The following CSMD1 variants were observed in gnomAD, a reference collection of about 807,000 sequenced individuals.
The protein encoded by CSMD1 is CUB and sushi domain-containing protein 1.
In CSMD1, 213 loss-of-function variants were observed where a neutral mutation model predicts 417.5. The observed-to-expected ratio is 0.51, with a 90% CI of 0.46 to 0.57. The LOEUF is 0.57. Ranked by LOEUF, CSMD1 falls within the 20% of genes least tolerant of loss-of-function variation. CSMD1 has a pLI of 0.00. For synonymous variants in CSMD1, 2,862 were observed against 1,736.8 expected (o/e 1.65, Z -16.11); for missense variants, 6,923 against 4,529.7 (o/e 1.53, Z -15.17).
At chr8:4,874,440 C>T (rs1030910) in intron 1 of CSMD1, among the ~76,000 whole-genome samples, 147,881 of 148,290 alleles carry the variant, frequency 1, 73,740 homozygotes, top group East Asian at 1. Flanking sequence ...CCCAGGCTGG[C>T]ATGCAGTGTT....
At chr8:4,021,197 T>C (rs1307830766) in intron 4 of CSMD1, among the ~76,000 whole-genome samples, 1 of 152,216 alleles carries the variant, frequency 6.6e-6, no homozygotes, top group Non-Finnish European at 1.5e-5. Flanking sequence ...ATGGCATAAC[T>C]GAAATACACA....
At chr8:4,061,746 G>C (rs1329642830) in intron 3 of CSMD1, among the ~76,000 whole-genome samples, 1 of 152,110 alleles carries the variant, frequency 6.6e-6, no homozygotes, top group Non-Finnish European at 1.5e-5. Flanking sequence ...TAATGAGTGA[G>C]TCACCTCTCT....
intron 26 of CSMD1, among the ~76,000 whole-genome samples, chr8:3,236,146 T>C (rs1302055222): frequency 6.6e-6 from 1 of 151,926 alleles, no homozygotes; most frequent in Non-Finnish European, 1.5e-5. Flanking sequence ...TCTCGATCTC[T>C]TAACCTTGTG....
At chr8:4,616,733 G>A (rs1316726924) in intron 2 of CSMD1, among the ~76,000 whole-genome samples, 2 of 152,122 alleles carry the variant, frequency 1.3e-5, no homozygotes, top group Admixed American at 6.5e-5. Context: ...GATCATCATT[G>A]TGTATGTTTT....
intron 3 of CSMD1, among the ~76,000 whole-genome samples, chr8:4,136,188 A>G (rs1037777329): frequency 6.6e-6 from 1 of 152,206 alleles, no homozygotes; most frequent in Non-Finnish European, 1.5e-5. Context: ...ACACAAAAGA[A>G]CAGCTATGTG....
At chr8:3,045,701 A>G (rs1008882837) in intron 50 of CSMD1, among the ~76,000 whole-genome samples, 2 of 152,164 alleles carry the variant, frequency 1.3e-5, no homozygotes, top group Admixed American at 6.5e-5. Flanking sequence ...AGAGCTAGTA[A>G]GTTCCTAGAA....
At chr8:4,381,025 TG>T (rs1230539482) in intron 3 of CSMD1, among the ~76,000 whole-genome samples, 1 of 152,024 alleles carries the variant, frequency 6.6e-6, no homozygotes, top group Non-Finnish European at 1.5e-5. Flanking sequence ...TCAGGGCAAA[TG>T]GGAAATGGGT....
At chr8:4,681,078 G>A (rs1024422463) in intron 1 of CSMD1, among the ~76,000 whole-genome samples, 3 of 151,798 alleles carry the variant, frequency 2.0e-5, no homozygotes, top group East Asian at 1.9e-4. Flanking sequence ...TTATGGCTAC[G>A]TAATGAAAAA....
At chr8:3,283,746 G>C (rs1247034106) in intron 26 of CSMD1, among the ~76,000 whole-genome samples, 1 of 152,190 alleles carries the variant, frequency 6.6e-6, no homozygotes, top group Non-Finnish European at 1.5e-5. Flanking sequence ...GGAAGAAGCT[G>C]AGCAAAGGAG....
At chr8:4,361,300 G>C (rs958715912) in intron 3 of CSMD1, among the ~76,000 whole-genome samples, 5 of 152,150 alleles carry the variant, frequency 3.3e-5, no homozygotes, top group Non-Finnish European at 5.9e-5. Flanking sequence ...ACAAGATAAA[G>C]AAACTTATTT....
intron 10 of CSMD1, among the ~76,000 whole-genome samples, chr8:3,520,039 T>TATATATATATATATATATATATAC (rs545212684): frequency 1.2e-3 from 171 of 147,110 alleles, no homozygotes; most frequent in African/African-American, 3.6e-3. Flanking sequence ...TATATATATA[T>TATATATATATATATATATATATAC]ACACGTATAG....
chr8:4,042,700 T>A (rs1018406061), intron 3 of CSMD1, among the ~76,000 whole-genome samples: 4 of 151,354 alleles, frequency 2.6e-5, no homozygotes, highest in African/African-American at 9.7e-5. Context: ...ATTTTAGGTT[T>A]CTAACATATG....
chr8:3,728,361 G>A (rs944713780), intron 6 of CSMD1, among the ~76,000 whole-genome samples: 14 of 152,098 alleles, frequency 9.2e-5, no homozygotes, highest in East Asian at 3.9e-4. Flanking sequence ...ATTAAACCTC[G>A]TTCCTTTATC....
At chr8:4,713,417 T>A (rs898828721) in intron 1 of CSMD1, among the ~76,000 whole-genome samples, 1 of 145,234 alleles carries the variant, frequency 6.9e-6, no homozygotes, top group African/African-American at 2.6e-5. Context: ...TTGTTTTGTT[T>A]TTGAGACAGA....
chr8:4,937,017 C>T (rs975676476), intron 1 of CSMD1, among the ~76,000 whole-genome samples: 1 of 152,092 alleles, frequency 6.6e-6, no homozygotes, highest in Non-Finnish European at 1.5e-5. Flanking sequence ...TGGAGACCAG[C>T]CTGGCCAAAA....
chr8:3,475,512 T>A (rs1371814265), intron 11 of CSMD1, among the ~76,000 whole-genome samples: 1 of 152,216 alleles, frequency 6.6e-6, no homozygotes, highest in East Asian at 1.9e-4. Flanking sequence ...CTGTGATGGC[T>A]CTGTCATTAA....
chr8:4,367,503 G>A (rs529884945), intron 3 of CSMD1, among the ~76,000 whole-genome samples: 8 of 152,136 alleles, frequency 5.3e-5, no homozygotes, highest in African/African-American at 1.7e-4. Context: ...GATACCTCCA[G>A]CTTTGTTCCT....
At chr8:4,537,571 C>T (rs1797161519) in intron 2 of CSMD1, among the ~76,000 whole-genome samples, 1 of 152,150 alleles carries the variant, frequency 6.6e-6, no homozygotes, top group Non-Finnish European at 1.5e-5. Flanking sequence ...TGAAAACTTG[C>T]TGAACATTTC....
intron 1 of CSMD1, among the ~76,000 whole-genome samples, chr8:4,934,780 TATCA>T (rs1396479989): frequency 6.6e-6 from 1 of 152,130 alleles, no homozygotes; most frequent in Non-Finnish European, 1.5e-5. Flanking sequence ...AGGTATCATC[TATCA>T]ATCATCTATT....
Sources: allele counts gnomAD v4.1 joint callset (sites outside exome capture counted in the v4.1 genomes callset), GRCh38; gene constraint gnomAD v4.1.1; transcripts MANE v1.5; gene names NCBI Gene and HGNC (gene_info 2026-07-23, HGNC 2026-07-21).